DPYS: variants seen among roughly 807,000 people sequenced by gnomAD.
DPYS encodes dihydropyrimidinase, also known as dihydropyrimidine amidohydrolase.
Under a neutral mutation model 50.3 loss-of-function variants are expected in DPYS, and 39 were observed. The ratio of observed to expected loss-of-function variants is 0.78; its 90% CI spans 0.60 to 1.01. DPYS has a LOEUF of 1.01. Among genes scored for constraint, DPYS ranks in the 50% least tolerant of loss-of-function variants. DPYS has a pLI of 0.00. For synonymous variants in DPYS, 245 were observed against 250.7 expected (o/e 0.98, Z 0.22); for missense variants, 659 against 680.9 (o/e 0.97, Z 0.36).
chr8:104,448,027 G>C (rs1813599364), intron 2 of DPYS, among the ~76,000 whole-genome samples: 1 of 152,226 alleles, frequency 6.6e-6, no homozygotes, highest in African/African-American at 2.4e-5. Flanking sequence ...GTGGTGGCAT[G>C]GGACCCATTG....
intron 8 of DPYS, among the ~76,000 whole-genome samples, chr8:104,384,029 G>A (rs1017213879): frequency 6.6e-6 from 1 of 152,104 alleles, no homozygotes; most frequent in African/African-American, 2.4e-5. Flanking sequence ...CCGACTGGCT[G>A]GGTCTAACCT....
At chr8:104,395,128 TGGCACTACAGGCACGTGCCAC>T (rs1056150811) in intron 7 of DPYS, among the ~76,000 whole-genome samples, 2 of 151,962 alleles carry the variant, frequency 1.3e-5, no homozygotes, top group African/African-American at 2.4e-5. Context: ...CCCAAGTAGC[TGGCACTACAGGCACGTGCCAC>T]CACACCCAGC....
intron 3 of DPYS, among the ~76,000 whole-genome samples, chr8:104,444,781 AG>A (rs1813474495): frequency 6.6e-6 from 1 of 152,204 alleles, no homozygotes; most frequent in African/African-American, 2.4e-5. Flanking sequence ...CAAGTTAAAA[AG>A]CTTCTGCATA....
At chr8:104,415,793 C>CA (rs1208944118) in intron 7 of DPYS, among the ~76,000 whole-genome samples, 1 of 152,078 alleles carries the variant, frequency 6.6e-6, no homozygotes, top group Non-Finnish European at 1.5e-5. Flanking sequence ...ACCTGGGAGA[C>CA]AGAGTTTTTA....
At chr8:104,408,838 A>C (rs1271358624) in intron 7 of DPYS, among the ~76,000 whole-genome samples, 1 of 149,928 alleles carries the variant, frequency 6.7e-6, no homozygotes, top group Admixed American at 6.6e-5. Context: ...TTTGAGATAG[A>C]GTTTCACTCT....
chr8:104,436,362 C>T (rs528797753), intron 4 of DPYS, among the ~76,000 whole-genome samples: 1 of 152,300 alleles, frequency 6.6e-6, no homozygotes, highest in African/African-American at 2.4e-5. Flanking sequence ...ATAATCCCAG[C>T]ACTGTGGGAG....
intron 1 of DPYS, among the ~76,000 whole-genome samples, chr8:104,456,384 A>G (rs1169429101): frequency 1.3e-5 from 2 of 152,212 alleles, no homozygotes; most frequent in Non-Finnish European, 2.9e-5. Context: ...TCTAAAACTA[A>G]AGCAAATGAA....
chr8:104,450,044 T>TA (rs1387657427), intron 2 of DPYS, among the ~76,000 whole-genome samples: 1 of 151,428 alleles, frequency 6.6e-6, no homozygotes, highest in African/African-American at 2.4e-5. Context: ...TGAGAAGCAC[T>TA]GATAAGGACA....
At chr8:104,395,461 G>A (rs1811546180) in intron 7 of DPYS, among the ~76,000 whole-genome samples, 1 of 152,140 alleles carries the variant, frequency 6.6e-6, no homozygotes, top group African/African-American at 2.4e-5. Flanking sequence ...TCCCTCTGTA[G>A]TCACGCCCTC....
chr8:104,454,999 A>C (rs183384138), intron 1 of DPYS, among the ~76,000 whole-genome samples: 4 of 152,314 alleles, frequency 2.6e-5, no homozygotes, highest in Admixed American at 2.6e-4. Flanking sequence ...TACTATGGTT[A>C]ACTCCATTTT....
chr8:104,398,365 C>A (rs947499410), intron 7 of DPYS, among the ~76,000 whole-genome samples: 7 of 152,238 alleles, frequency 4.6e-5, no homozygotes, highest in African/African-American at 7.2e-5. Context: ...TGCCTAGGAG[C>A]AGGAGCAGAG....
chr8:104,387,195 G>A (rs1291981458), intron 8 of DPYS, among the ~76,000 whole-genome samples: 4 of 152,272 alleles, frequency 2.6e-5, no homozygotes, highest in Middle Eastern at 3.4e-3. Flanking sequence ...TGAATCACTT[G>A]TACATGAGAA....
intron 8 of DPYS, among the ~76,000 whole-genome samples, chr8:104,385,872 C>T (rs1348901816): frequency 2.0e-5 from 3 of 152,204 alleles, no homozygotes; most frequent in South Asian, 2.1e-4. Flanking sequence ...GCCAGCGCCT[C>T]GTTCTTGGAC....
chr8:104,466,585 C>T, intron 1 of DPYS, 72 bp downstream of exon 1: 3 of 1,439,956 alleles, frequency 2.1e-6, no homozygotes, highest in South Asian at 2.8e-5. Context: ...CTGCTGAGGA[C>T]CCCGGGACGA....
At chr8:104,412,447 G>A (rs1812215006) in intron 7 of DPYS, among the ~76,000 whole-genome samples, 1 of 152,174 alleles carries the variant, frequency 6.6e-6, no homozygotes, top group Non-Finnish European at 1.5e-5. Flanking sequence ...TGTCTTGGGT[G>A]GGTGCCAATA....
intron 7 of DPYS, among the ~76,000 whole-genome samples, chr8:104,404,384 G>A (rs529995680): frequency 2.0e-5 from 3 of 152,244 alleles, no homozygotes; most frequent in Admixed American, 6.5e-5. Flanking sequence ...CCAAGGCTAG[G>A]AAGTTTTACC....
intron 1 of DPYS, among the ~76,000 whole-genome samples, chr8:104,454,775 G>A (rs1813867209): frequency 6.6e-6 from 1 of 152,198 alleles, no homozygotes; most frequent in Non-Finnish European, 1.5e-5. Context: ...GAGAAAAGAT[G>A]ACTGGGAATT....
intron 1 of DPYS, among the ~76,000 whole-genome samples, chr8:104,461,120 C>CA (rs367619842): frequency 0.095 from 10,625 of 112,290 alleles, 559 homozygotes; most frequent in Non-Finnish European, 0.13. Context: ...CCTGTCTCTA[C>CA]AAAAAAAAAA....
At chr8:104,436,595 A>G (rs1478630590) in intron 4 of DPYS, among the ~76,000 whole-genome samples, 1 of 152,174 alleles carries the variant, frequency 6.6e-6, no homozygotes, top group Non-Finnish European at 1.5e-5. Context: ...GTGAGACTCC[A>G]TCTAAAACAA....
Sources: allele counts gnomAD v4.1 joint callset (sites outside exome capture counted in the v4.1 genomes callset), GRCh38; gene constraint gnomAD v4.1.1; transcripts MANE v1.5; gene names NCBI Gene and HGNC (gene_info 2026-07-23, HGNC 2026-07-21).